Variants in TMEM117 observed in about 807,000 individuals in gnomAD.
The protein encoded by TMEM117 is transmembrane protein 117.
A neutral mutation model predicts 52.4 loss-of-function variants in TMEM117; 27 were observed. That is an observed-to-expected ratio of 0.51 (90% confidence interval 0.38 to 0.71). The LOEUF (loss-of-function observed/expected upper bound fraction) is 0.71. Ranked by LOEUF, TMEM117 falls within the 30% of genes least tolerant of loss-of-function variation. The pLI, the probability that TMEM117 is intolerant of heterozygous loss-of-function variation, is 0.00. For synonymous variants in TMEM117, 215 were observed against 206.3 expected, an observed-to-expected ratio of 1.04 and a Z score of -0.36; for missense variants, 556 against 630.5, an observed-to-expected ratio of 0.88 and a Z score of 1.26.
intron 3 of TMEM117, among the ~76,000 whole-genome samples, chr12:44,038,960 G>A (rs145678000): frequency 6.6e-6 from 1 of 152,068 alleles, no homozygotes; most frequent in Non-Finnish European, 1.5e-5. Flanking sequence ...CATCAAACAG[G>A]TACTCACAAT....
Position 44,031,944 on chromosome 12 carries a change from A to G in TMEM117, c.410+87602A>G, listed in dbSNP as rs116077354. The stretch of plus-strand genomic sequence containing the variant: ...AGAGCCAATAAAAGCCCTTTGGGGA[A>G]ATGTCTCATACCTTGTCTCCACAGT... On this transcript the variant is annotated intron_variant, in intron 3 of 7. Coordinates refer to ENST00000266534, the MANE Select transcript of TMEM117 (RefSeq NM_032256.3). Among the ~76,000 whole-genome samples, 588 of 152,306 alleles carry G rather than the reference A, an allele frequency of 3.9e-3. 5 individuals carry two copies. The highest frequency in any genetic ancestry group is 0.013 in the African/African-American group (542 of 41,564).
intron 4 of TMEM117, among the ~76,000 whole-genome samples, chr12:44,186,706 A>C (rs1949282715): frequency 6.6e-6 from 1 of 152,206 alleles, no homozygotes; most frequent in Admixed American, 6.5e-5. Flanking sequence ...GTCTAATATT[A>C]GGACTACCTT....
intron 1 of TMEM117, among the ~76,000 whole-genome samples, chr12:43,840,317 T>C (rs530973739): frequency 6.6e-6 from 1 of 152,356 alleles, no homozygotes; most frequent in Admixed American, 6.5e-5. Context: ...ATTGGGTTGC[T>C]ATGAAATTTA....
At chr12:44,240,944 A>C (rs144713840) in intron 5 of TMEM117, among the ~76,000 whole-genome samples, 1,624 of 152,116 alleles carry the variant, frequency 0.011, 11 homozygotes, top group African/African-American at 0.018. Context: ...TCTAAGTTGT[A>C]CCAAATCTCC....
At position 44,120,972 on chromosome 12, in the gene TMEM117, G is replaced by A. The variant is rs552947590; in HGVS notation, c.411-22553G>A. On this transcript the variant is annotated intron_variant, in intron 3 of 7. Transcript: ENST00000266534. ...AAGACTGGGCAATTTACAAAAGAAA[G>A]AGGTTTATTGGACTTACAGTTCCAT... 9.8e-5 allele frequency among the ~76,000 whole-genome samples: 15 copies of A among 152,328 alleles called. No homozygotes were observed. In the South Asian group the frequency reaches 3.1e-3, roughly 32 times the overall value.
At chr12:44,037,700 T>G (rs1222615621) in intron 3 of TMEM117, among the ~76,000 whole-genome samples, 3 of 152,102 alleles carry the variant, frequency 2.0e-5, no homozygotes, top group Admixed American at 2.0e-4. Context: ...GTGAAAACTC[T>G]GAACTCAGCC....
At chr12:44,172,122 T>G (rs535374605) in intron 4 of TMEM117, among the ~76,000 whole-genome samples, 3 of 152,206 alleles carry the variant, frequency 2.0e-5, no homozygotes, top group Non-Finnish European at 4.4e-5. Flanking sequence ...CTGGGGACAG[T>G]GGAAAGCCAC....
chr12:43,936,568 T>G (rs1477309126), intron 2 of TMEM117, among the ~76,000 whole-genome samples: 1 of 152,146 alleles, frequency 6.6e-6, no homozygotes, highest in Non-Finnish European at 1.5e-5. Context: ...GGACAGACCA[T>G]GGCACATCAT....
Position 43,844,880 on chromosome 12 carries a change from C to A in TMEM117, c.229C>A (p.Leu77Ile), listed in dbSNP as rs199912273. The A allele has an allele frequency of 9.3e-6, 15 of 1,614,222 alleles. No individual in the cohort carries two copies. In the East Asian group the frequency reaches 3.3e-4, roughly 36 times the overall value. ...GGTGCTTCTATGGCTACTTGCCATTCTCACAGGACTAATAGCTGGCAAATT... is the reference window on the plus strand; with the variant it reads ...GGTGCTTCTATGGCTACTTGCCATTATCACAGGACTAATAGCTGGCAAATT... Reference protein sequence around the residue: ...LKVLLWLLAILTGLIAGKFLF... With the variant: ...LKVLLWLLAIITGLIAGKFLF... The change falls in exon 2 of 8, where the codon CTC becomes ATC. Residue 77 changes from leucine (L) to isoleucine (I), a missense_variant. By Grantham distance (5) the Leu-to-Ile change is conservative. Around this residue, in one of 3 missense-constraint regions of TMEM117, gnomAD observed 328 missense variants for 371.4 expected, o/e 0.88. Transcript: ENST00000266534.
At chr12:44,096,744 C>T (rs1325024666) in intron 3 of TMEM117, among the ~76,000 whole-genome samples, 1 of 152,066 alleles carries the variant, frequency 6.6e-6, no homozygotes, top group African/African-American at 2.4e-5. Context: ...CATGTTAGAC[C>T]TAAAACCATA....
intron 6 of TMEM117, among the ~76,000 whole-genome samples, chr12:44,366,299 C>A (rs1484618835): frequency 1.3e-5 from 2 of 152,024 alleles, no homozygotes; most frequent in African/African-American, 4.8e-5. Context: ...AGGTTCTTTA[C>A]CCCAGCATGT....
chr12:44,333,887 A>T (rs1055146990), intron 6 of TMEM117, among the ~76,000 whole-genome samples: 1 of 152,020 alleles, frequency 6.6e-6, no homozygotes, highest in African/African-American at 2.4e-5. Flanking sequence ...GATCAACCCC[A>T]TGAAGAGGTT....
At chr12:44,392,508 G>A (rs1018274691), downstream of TMEM117, among the ~76,000 whole-genome samples, 1 of 152,010 alleles carries the variant, frequency 6.6e-6, no homozygotes, top group Non-Finnish European at 1.5e-5. Context: ...TAGTTGTTTT[G>A]CTGGTTAGCT....
chr12:44,045,149 C>T (rs1463204391), intron 3 of TMEM117, among the ~76,000 whole-genome samples: 16 of 152,206 alleles, frequency 1.1e-4, no homozygotes, highest in Admixed American at 1.0e-3. Flanking sequence ...CCTGTCATTG[C>T]CCAATGGGTC....
chr12:43,835,477 CAT>C (rs534295082), upstream of TMEM117, among the ~76,000 whole-genome samples: 237 of 150,040 alleles, frequency 1.6e-3, 1 homozygote, highest in African/African-American at 5.8e-3. Flanking sequence ...TGTATGTGTG[CAT>C]ATGTGTGTGT....
rs562738511 is a variant in TMEM117, at chr12:43,978,265, C to T, written c.410+33923C>T. 4.9e-4 allele frequency among the ~76,000 whole-genome samples: 75 copies of T among 152,116 alleles called. 1 individual carries two copies. The highest frequency in any genetic ancestry group is 1.8e-3 in the African/African-American group (74 of 41,502). Reference sequence around the variant, plus strand: ...TTGAATATGTGTGATAAAAATAGGACGTGTATGTTGATCCAGCAATTGCTG... The same window carrying T: ...TTGAATATGTGTGATAAAAATAGGATGTGTATGTTGATCCAGCAATTGCTG... On this transcript the variant is annotated intron_variant, in intron 3 of 7. Coordinates refer to ENST00000266534, the MANE Select transcript of TMEM117 (RefSeq NM_032256.3).
intron 3 of TMEM117, among the ~76,000 whole-genome samples, chr12:44,064,297 G>A (rs1947187829): frequency 6.6e-6 from 1 of 152,118 alleles, no homozygotes; most frequent in African/African-American, 2.4e-5. Context: ...AAATATTGCT[G>A]TTTAAGTTCA....
At chr12:43,848,296 G>A (rs958259037) in intron 2 of TMEM117, among the ~76,000 whole-genome samples, 2 of 152,092 alleles carry the variant, frequency 1.3e-5, no homozygotes, top group African/African-American at 4.8e-5. Flanking sequence ...CCAGGGTTGA[G>A]TTTCCTCAAC....
rs1943534339 is a variant in TMEM117, at chr12:43,863,909, AGGT to A, written c.277+18984_277+18986del. Among the ~76,000 whole-genome samples, 6 of 152,194 alleles carry A rather than the reference AGGT, an allele frequency of 3.9e-5. No homozygotes were observed. The South Asian group carries it at 1.2e-3, about 31-fold the overall frequency. ...CAGGGAGGTGTGGAGGGAGAGGCACAGGTGGGAACCGGGGCTGCGCCCGGCGCT... is the reference window on the plus strand; with the variant it reads ...CAGGGAGGTGTGGAGGGAGAGGCACAGGGAACCGGGGCTGCGCCCGGCGCT... On this transcript the variant is annotated intron_variant, in intron 2 of 7. Transcript: ENST00000266534.
Sources: allele counts gnomAD v4.1 joint callset (sites outside exome capture counted in the v4.1 genomes callset), GRCh38; gene constraint gnomAD v4.1.1; regional missense constraint gnomAD v4.1.1; transcripts MANE v1.5; gene names NCBI Gene and HGNC (gene_info 2026-07-23, HGNC 2026-07-21).